CBLB: variants seen among roughly 807,000 people sequenced by gnomAD.
CBLB encodes E3 ubiquitin-protein ligase CBL-B.
CBLB carries 31 observed loss-of-function variants against 104.9 expected under a neutral mutation model. The ratio of observed to expected loss-of-function variants is 0.30; its 90% confidence interval spans 0.22 to 0.40. CBLB has a LOEUF of 0.40. Among genes scored for constraint, CBLB ranks in the 10% least tolerant of loss-of-function variants. The pLI, the probability that CBLB is intolerant of heterozygous loss-of-function variation, is 1.00. For synonymous variants in CBLB, 440 were observed against 422.6 expected (o/e 1.04, Z -0.51); for missense variants, 1,062 against 1,214.6 (o/e 0.87, Z 1.87).
At chr3:105,768,224 A>G (rs186388592) in intron 4 of CBLB, among the ~76,000 whole-genome samples, 35 of 152,380 alleles carry the variant, frequency 2.3e-4, no homozygotes, top group Non-Finnish European at 4.4e-4. Flanking sequence ...AGCGAAGTTT[A>G]AGAAGAGATC....
At chr3:105,705,690 T>C (rs535007795) in intron 10 of CBLB, among the ~76,000 whole-genome samples, 50 of 152,360 alleles carry the variant, frequency 3.3e-4, no homozygotes, top group African/African-American at 1.2e-3. Context: ...CTGACCTTAA[T>C]TACCTGACCG....
intron 10 of CBLB, among the ~76,000 whole-genome samples, chr3:105,707,172 C>T (rs1576493679): frequency 1.3e-5 from 2 of 152,254 alleles, no homozygotes; most frequent in East Asian, 3.9e-4. Context: ...AAAGTAATAA[C>T]CTTGAACTTT....
rs553336520 is a variant in CBLB, at chr3:105,706,173, A to C, written c.1408-2000T>G. ...AATAATAAAATAAATAAATCTGAGT[A>C]GCTAAACAGAAGACTATACCTCCGA... On this transcript the variant is annotated intron_variant, in intron 10 of 18. Coordinates refer to ENST00000394030, the MANE Select transcript of CBLB (RefSeq NM_170662.5). Among the ~76,000 whole-genome samples the C allele has an allele frequency of 2.9e-4, 44 of 152,180 alleles. No homozygotes were observed. The South Asian group carries it at 8.9e-3, about 31-fold the overall frequency.
chr3:105,660,003 A>G (rs2063628342), intron 18 of CBLB, among the ~76,000 whole-genome samples: 1 of 152,152 alleles, frequency 6.6e-6, no homozygotes, highest in African/African-American at 2.4e-5. Flanking sequence ...TCCCTTGGTG[A>G]TAATACAGCC....
At chr3:105,679,361 A>AG (rs2066033858) in intron 16 of CBLB, among the ~76,000 whole-genome samples, 1 of 149,598 alleles carries the variant, frequency 6.7e-6, no homozygotes, top group Non-Finnish European at 1.5e-5. Context: ...AAAAAAAAAA[A>AG]GCACATGTTT....
In CBLB at chr3:105,685,410, T is replaced by C. The variant is rs748590127; in HGVS notation, c.2111A>G (p.Glu704Gly). The C allele has an allele frequency of 9.9e-6, 16 of 1,612,578 alleles. No homozygotes were observed. The highest frequency in any genetic ancestry group is 1.4e-5 in the Non-Finnish European group (16 of 1,178,660). The change falls in exon 14 of 19, where the codon GAA (glutamate) becomes GGA (glycine). Residue 704 changes from glutamate to glycine, a missense_variant. Physicochemically the swap from Glu to Gly is moderately conservative, Grantham distance 98. Coordinates refer to ENST00000394030, the MANE Select transcript of CBLB (RefSeq NM_170662.5). ...AGGAATCTTGTATTCATCATCATCT[T>C]CCTCTACTGGGTCTCTTGTTTTCTC... ...LSEKTRDPVE[E>G]DDDEYKIPSS...
At chr3:105,718,862 T>C (rs2072328198) in intron 10 of CBLB, among the ~76,000 whole-genome samples, 1 of 152,200 alleles carries the variant, frequency 6.6e-6, no homozygotes, top group Non-Finnish European at 1.5e-5. Context: ...AATTGGGATT[T>C]CATGTATCTT....
chr3:105,721,832 G>A (rs1479762107), intron 9 of CBLB, among the ~76,000 whole-genome samples: 1 of 151,852 alleles, frequency 6.6e-6, no homozygotes, highest in Non-Finnish European at 1.5e-5. Flanking sequence ...TATAAAAAGA[G>A]TATTAAATTT....
intron 3 of CBLB, among the ~76,000 whole-genome samples, chr3:105,808,423 A>G (rs1440233648): frequency 6.6e-6 from 1 of 152,216 alleles, no homozygotes; most frequent in Non-Finnish European, 1.5e-5. Flanking sequence ...CCAAGTACTC[A>G]TTCACCTGAA....
At chr3:105,743,787 GT>G (rs149488322) in intron 6 of CBLB, among the ~76,000 whole-genome samples, 11,081 of 146,412 alleles carry the variant, frequency 0.076, 585 homozygotes, top group Admixed American at 0.16. Context: ...ATTTGTTACA[GT>G]TTTTTTTTTA....
chr3:105,663,181 C>A (rs550480673), intron 18 of CBLB, among the ~76,000 whole-genome samples: 2 of 152,268 alleles, frequency 1.3e-5, no homozygotes. Flanking sequence ...ACTGCTGTTA[C>A]TATTTGAGAC....
At chr3:105,732,863 G>A (rs2074467394) in intron 9 of CBLB, among the ~76,000 whole-genome samples, 1 of 152,050 alleles carries the variant, frequency 6.6e-6, no homozygotes, top group Non-Finnish European at 1.5e-5. Context: ...TCAACTTTAT[G>A]CTTCACCGAA....
Position 105,656,799 on chromosome 3 carries a change from A to C in CBLB, c.*2171T>G, listed in dbSNP as rs2152653206. 1 of 204,664 alleles carries C rather than the reference A, an allele frequency of 4.9e-6. No individual in the cohort carries two copies. Among genetic ancestry groups the C allele is most frequent in the Middle Eastern group, 1.7e-3 (1 of 602 alleles). The allele number at this position is 204,664 out of a possible 1,614,324, so 12.7% of individuals were successfully genotyped here. ...ATGTTGCAACAATGTTATCACAATG[A>C]AGTGGCAACTTTTGGCCTTTAGACT... is the stretch of plus-strand genomic sequence containing the variant. On this transcript the variant is annotated 3_prime_UTR_variant, in exon 19 of 19. Coordinates refer to ENST00000394030, the MANE Select transcript of CBLB (RefSeq NM_170662.5).
At chr3:105,815,707 A>AG (rs2084951332) in intron 3 of CBLB, among the ~76,000 whole-genome samples, 1 of 152,248 alleles carries the variant, frequency 6.6e-6, no homozygotes, top group East Asian at 1.9e-4. Flanking sequence ...GTATATACCC[A>AG]AAGGATTATA....
chr3:105,869,192 C>G, upstream of CBLB: 1 of 625,412 alleles, frequency 1.6e-6, no homozygotes, highest in South Asian at 1.5e-5. Context: ...CCACAGTACA[C>G]AATGGCCCCA....
chr3:105,731,516 C>A (rs1383759246), intron 9 of CBLB, among the ~76,000 whole-genome samples: 4 of 152,076 alleles, frequency 2.6e-5, no homozygotes, highest in Non-Finnish European at 5.9e-5. Flanking sequence ...AATAAACTTT[C>A]TTTTAAGAAG....
intron 3 of CBLB, among the ~76,000 whole-genome samples, chr3:105,787,387 C>T (rs2081148212): frequency 6.6e-6 from 1 of 152,188 alleles, no homozygotes; most frequent in African/African-American, 2.4e-5. Flanking sequence ...CTGCCCTTCA[C>T]ACTATTCCAT....
chr3:105,733,176 T>C (rs1023904311), intron 9 of CBLB, among the ~76,000 whole-genome samples: 3 of 151,900 alleles, frequency 2.0e-5, no homozygotes, highest in African/African-American at 7.3e-5. Flanking sequence ...GCTAACATGG[T>C]GAAACCCCGT....
chr3:105,735,922 G>A (rs2074887651), intron 8 of CBLB, among the ~76,000 whole-genome samples: 1 of 152,070 alleles, frequency 6.6e-6, no homozygotes, highest in South Asian at 2.1e-4. Flanking sequence ...CTCCAGCCTG[G>A]GCGACAAAGC....
Sources: allele counts gnomAD v4.1 joint callset (sites outside exome capture counted in the v4.1 genomes callset), GRCh38; gene constraint gnomAD v4.1.1; transcripts MANE v1.5; gene names NCBI Gene and HGNC (gene_info 2026-07-23, HGNC 2026-07-21).